RFX2: variants seen among roughly 807,000 people sequenced by gnomAD.
RFX2 encodes the protein regulatory factor X2.
Under a neutral mutation model 87.8 loss-of-function variants are expected in RFX2, and 20 were observed. The observed-to-expected ratio is 0.23, with a 90% CI of 0.16 to 0.33. The LOEUF is 0.33. Among genes scored for constraint, RFX2 ranks in the 10% least tolerant of loss-of-function variants. RFX2 has a pLI of 1.00. For synonymous variants in RFX2, 397 were observed against 431.3 expected, an observed-to-expected ratio of 0.92 and a Z score of 0.98; for missense variants, 767 against 1,012.3, an observed-to-expected ratio of 0.76 and a Z score of 3.29.
intron 1 of RFX2, among the ~76,000 whole-genome samples, chr19:6,065,891 G>A (rs892638714): frequency 1.3e-5 from 2 of 150,912 alleles, no homozygotes; most frequent in African/African-American, 2.4e-5. Flanking sequence ...TGCTGCATTA[G>A]TCAGATTGCA....
intron 5 of RFX2, among the ~76,000 whole-genome samples, chr19:6,029,476 G>A (rs1452900214): frequency 6.6e-6 from 1 of 152,120 alleles, no homozygotes; most frequent in Non-Finnish European, 1.5e-5. Flanking sequence ...GGGAGGGTGA[G>A]TTGGGTGGAT....
At position 6,026,980 on chromosome 19, in the gene RFX2, C is replaced by T. The variant is rs2086897459; in HGVS notation, c.523-743G>A. On this transcript the variant is annotated intron_variant, in intron 5 of 17. Coordinates refer to ENST00000303657, the MANE Select transcript of RFX2 (RefSeq NM_000635.4). The surrounding 1 kb of genome is among the most constrained non-coding windows in gnomAD (Gnocchi z 4.5). ...GGGAGGGAGGTGGGCGGCAGGTCCACGCGATGGAGGAGGCACACAGCTGTG... is the reference window on the plus strand; with the variant it reads ...GGGAGGGAGGTGGGCGGCAGGTCCATGCGATGGAGGAGGCACACAGCTGTG... Among the ~76,000 whole-genome samples, 1 of 152,044 alleles carries T rather than the reference C, an allele frequency of 6.6e-6. No individual in the cohort carries two copies. The highest frequency in any genetic ancestry group is 2.1e-4 in the South Asian group (1 of 4,832).
In RFX2 at chr19:5,997,180, G is replaced by A. The variant is rs764867079; in HGVS notation, c.1893C>T (p.Ser631=). 4 of 1,612,880 alleles carry A rather than the reference G, an allele frequency of 2.5e-6. No individual in the cohort carries two copies. Among genetic ancestry groups the A allele is most frequent in the East Asian group, 2.2e-5 (1 of 44,880 alleles). Residue 631 remains serine, a synonymous_variant, in exon 16 of 18, where the codon AGC becomes AGT. Transcript: ENST00000303657. This position sits in a 1 kb window ranked among gnomAD's most constrained non-coding sequence, Gnocchi z 4.2. ...GGTGGAAGGAGCCGAAGCTGGCAGCGCTGCGCAGGGTCAGGTCCCGGATCA... is the reference window on the plus strand; with the variant it reads ...GGTGGAAGGAGCCGAAGCTGGCAGCACTGCGCAGGGTCAGGTCCCGGATCA... The part of the protein sequence containing the change: ...SMVIRDLTLR[S]AASFGSFHLI...
At chr19:6,043,359 C>T (rs115120742) in intron 3 of RFX2, among the ~76,000 whole-genome samples, 3,211 of 152,350 alleles carry the variant, frequency 0.021, 109 homozygotes, top group African/African-American at 0.073. Flanking sequence ...CTCATGGACA[C>T]AGTCACCTGA....
Position 6,050,859 on chromosome 19 carries a change from T to G in RFX2, c.-8-3355A>C, listed in dbSNP as rs2087257884. 6.6e-6 allele frequency among the ~76,000 whole-genome samples: 1 copy of G among 152,068 alleles called. No individual in the cohort carries two copies. On this transcript the variant is annotated intron_variant, in intron 1 of 17. Coordinates refer to ENST00000303657, the MANE Select transcript of RFX2 (RefSeq NM_000635.4). The surrounding 1 kb of genome is among the most constrained non-coding windows in gnomAD (Gnocchi z 4.6). Reference sequence around the variant, plus strand: ...AAAAAGAATACAAAGAAAGCCAAGATAGGTATGTCATGGTTAAACTGTTAA... The same window carrying G: ...AAAAAGAATACAAAGAAAGCCAAGAGAGGTATGTCATGGTTAAACTGTTAA...
chr19:6,007,260 T>C lies in RFX2; in HGVS notation c.1248-94A>G. ...GCAGAGAGCCGGGCTGCGGGACTTT[T>C]GCCCAACAGTGGGGCTGGGGTTTTG... On this transcript the variant is annotated intron_variant, in intron 11 of 17. Transcript: ENST00000303657. This position sits in a 1 kb window ranked among gnomAD's most constrained non-coding sequence, Gnocchi z 8.2. The C allele has an allele frequency of 7.6e-7, 1 of 1,317,604 alleles. No homozygotes were observed. Among genetic ancestry groups the C allele is most frequent in the Non-Finnish European group, 1.1e-6 (1 of 947,528 alleles). 81.6% of individuals were successfully genotyped at this position (1,317,604 alleles called of 1,614,324 possible). A position where few individuals can be genotyped will look rare whatever the true frequency, so the allele number is the denominator to read the frequency against.
intron 1 of RFX2, among the ~76,000 whole-genome samples, chr19:6,090,032 G>A (rs184161265): frequency 1.4e-4 from 21 of 152,142 alleles, no homozygotes; most frequent in East Asian, 1.2e-3. Context: ...CATGTACATC[G>A]CTCACTGCAG....
At chr19:6,072,811 C>T (rs2087628141) in intron 1 of RFX2, 6 of 1,127,728 alleles carry the variant, frequency 5.3e-6, no homozygotes, top group Non-Finnish European at 7.9e-6. Flanking sequence ...CAGCTGTCTC[C>T]TCCTCAGCAT....
Position 6,007,873 on chromosome 19 carries a change from G to A in RFX2, c.1135-71C>T. 1 of 1,097,714 alleles carries A rather than the reference G, an allele frequency of 9.1e-7. No individual in the cohort carries two copies. Among genetic ancestry groups the A allele is most frequent in the African/African-American group, 1.6e-5 (1 of 64,484 alleles). 68.0% of individuals were successfully genotyped at this position (1,097,714 alleles called of 1,614,324 possible). A position where few individuals can be genotyped will look rare whatever the true frequency, so the allele number is the denominator to read the frequency against. On this transcript the variant is annotated intron_variant, in intron 10 of 17. Coordinates refer to ENST00000303657, the MANE Select transcript of RFX2 (RefSeq NM_000635.4). The surrounding 1 kb of genome is among the most constrained non-coding windows in gnomAD (Gnocchi z 8.2). ...CACGTGCACTCAGCACACGTCAAGT[G>A]AGCAGCCGTGATCCGGGCTACAGCG...
rs1226871230 is a variant in RFX2, at chr19:6,063,385, A to C, written c.-8-15881T>G. 1.3e-5 allele frequency among the ~76,000 whole-genome samples: 2 copies of C among 152,232 alleles called. No individual in the cohort carries two copies. Among genetic ancestry groups the C allele is most frequent in the East Asian group, 3.8e-4 (2 of 5,198 alleles). The stretch of plus-strand genomic sequence containing the variant: ...ACAGCGGTCCAGACTCGCAGTGACA[A>C]GGTGGCTGCAGTGCATGGAGGGCCA... On this transcript the variant is annotated intron_variant, in intron 1 of 17. Coordinates refer to ENST00000303657, the MANE Select transcript of RFX2 (RefSeq NM_000635.4). This position sits in a 1 kb window ranked among gnomAD's most constrained non-coding sequence, Gnocchi z 4.0.
At position 6,047,757 on chromosome 19, in the gene RFX2, G is replaced by A. The variant is rs1041262299; in HGVS notation, c.-8-253C>T. On this transcript the variant is annotated intron_variant, in intron 1 of 17. Coordinates refer to ENST00000303657, the MANE Select transcript of RFX2 (RefSeq NM_000635.4). This position sits in a 1 kb window ranked among gnomAD's most constrained non-coding sequence, Gnocchi z 4.2. ...AAAAAGGGCTCTGTCAGCGCACAAT[G>A]GCAGGAATTCCTCAACAGAAGGCCG... is the stretch of plus-strand genomic sequence containing the variant. Among the ~76,000 whole-genome samples, 1 of 152,210 alleles carries A rather than the reference G, an allele frequency of 6.6e-6. No homozygotes were observed. Among genetic ancestry groups the A allele is most frequent in the Non-Finnish European group, 1.5e-5 (1 of 68,042 alleles).
chr19:6,046,030 GCTC>G, intron 2 of RFX2, among the ~76,000 whole-genome samples: 1 of 152,148 alleles, frequency 6.6e-6, no homozygotes, highest in Middle Eastern at 3.4e-3. Context: ...TTTTTGCTGT[GCTC>G]CTAACTTTTA....
In RFX2 at chr19:6,061,855, AC is replaced by A. The variant is rs1211623601; in HGVS notation, c.-8-14352del. The stretch of plus-strand genomic sequence containing the variant: ...AGGGAATGATATAGCTGATGTGCCC[AC>A]CCCGAGTGTGGATCCCAGCAGGTGC... On this transcript the variant is annotated intron_variant, in intron 1 of 17. Coordinates refer to ENST00000303657, the MANE Select transcript of RFX2 (RefSeq NM_000635.4). The surrounding 1 kb of genome is among the most constrained non-coding windows in gnomAD (Gnocchi z 5.2). Among the ~76,000 whole-genome samples the A allele has an allele frequency of 6.6e-6, 1 of 151,882 alleles. No homozygotes were observed. The highest frequency in any genetic ancestry group is 2.4e-5 in the African/African-American group (1 of 41,318).
intron 1 of RFX2, among the ~76,000 whole-genome samples, chr19:6,059,432 G>C (rs1004674036): frequency 2.6e-5 from 4 of 152,168 alleles, no homozygotes; most frequent in Non-Finnish European, 4.4e-5. Context: ...CTTTCACCCA[G>C]CAAATACTCT....
chr19:6,014,418 T>C (rs1035096015), intron 7 of RFX2, among the ~76,000 whole-genome samples: 1 of 152,146 alleles, frequency 6.6e-6, no homozygotes, highest in Non-Finnish European at 1.5e-5. Context: ...TTTGTATTTT[T>C]AGTAGGGACG....
At position 6,101,431 on chromosome 19, in the gene RFX2, G is replaced by A. The variant is rs73543052; in HGVS notation, c.-9+8962C>T. ...GTTTCCACTGGCCTGGGTGGAGCCC[G>A]CATACATTTTTGTGGGCTGGTAATT... On this transcript the variant is annotated intron_variant, in intron 1 of 17. Coordinates refer to ENST00000303657, the MANE Select transcript of RFX2 (RefSeq NM_000635.4). The surrounding 1 kb of genome is among the most constrained non-coding windows in gnomAD (Gnocchi z 4.9). 0.04 allele frequency among the ~76,000 whole-genome samples: 6,052 copies of A among 152,222 alleles called. 433 individuals carry two copies. Among genetic ancestry groups the A allele is most frequent in the African/African-American group, 0.14 (5,784 of 41,492 alleles).
Position 6,002,605 on chromosome 19 carries a change from C to T in RFX2, c.1650+116G>A, listed in dbSNP as rs562167413. 553 of 1,307,068 alleles carry T rather than the reference C, an allele frequency of 4.2e-4. No individual in the cohort carries two copies. The highest frequency in any genetic ancestry group is 5.7e-4 in the Admixed American group (30 of 52,620). 81.0% of individuals were successfully genotyped at this position (1,307,068 alleles called of 1,614,324 possible). On this transcript the variant is annotated intron_variant, in intron 14 of 17. Coordinates refer to ENST00000303657, the MANE Select transcript of RFX2 (RefSeq NM_000635.4). This position sits in a 1 kb window ranked among gnomAD's most constrained non-coding sequence, Gnocchi z 6.7. ...CTGGGACCCGTGTCATGCAACAGAA[C>T]CGTGGCCAGGCTCGGGGCAGGGGCC...
At chr19:6,085,559 G>GAAT (rs2087845266) in intron 1 of RFX2, among the ~76,000 whole-genome samples, 2 of 152,090 alleles carry the variant, frequency 1.3e-5, no homozygotes, top group African/African-American at 4.8e-5. Flanking sequence ...CCATTCCTTG[G>GAAT]GTTGTCTTTT....
intron 12 of RFX2, among the ~76,000 whole-genome samples, chr19:6,006,460 ATTTTTTTTTT>A (rs35404707): frequency 1.8e-5 from 2 of 108,570 alleles, no homozygotes; most frequent in Non-Finnish European, 3.6e-5. Flanking sequence ...TGCCCAGCTC[ATTTTTTTTTT>A]TTTTTTTTTT....
Sources: allele counts gnomAD v4.1 joint callset (sites outside exome capture counted in the v4.1 genomes callset), GRCh38; gene constraint gnomAD v4.1.1; non-coding constraint Gnocchi (gnomAD v3.1); transcripts MANE v1.5; gene names NCBI Gene and HGNC (gene_info 2026-07-23, HGNC 2026-07-21).